CAB39L: variants seen among roughly 807,000 people sequenced by gnomAD.
CAB39L encodes the protein calcium binding protein 39 like.
In CAB39L, 23 loss-of-function variants were observed where a neutral mutation model predicts 39.1. The ratio of observed to expected loss-of-function variants is 0.59; its 90% CI spans 0.42 to 0.83. The LOEUF (loss-of-function observed/expected upper bound fraction) is 0.83. Ranked by LOEUF, CAB39L falls within the 40% of genes least tolerant of loss-of-function variation. The pLI, the probability that CAB39L is intolerant of heterozygous loss-of-function variation, is 0.00. For missense variants in CAB39L, 366 were observed against 391.9 expected (o/e 0.93, Z 0.56); for synonymous variants, 126 against 137.2 (o/e 0.92, Z 0.57).
chr13:49,419,873 T>C (rs957407884), intron 3 of CAB39L, among the ~76,000 whole-genome samples: 5 of 152,178 alleles, frequency 3.3e-5, no homozygotes, highest in Admixed American at 6.5e-5. Flanking sequence ...AATGCCACAG[T>C]TGCAAAAGAG....
chr13:49,421,322 C>T (rs1190066916), intron 3 of CAB39L, among the ~76,000 whole-genome samples: 1 of 152,116 alleles, frequency 6.6e-6, no homozygotes, highest in East Asian at 1.9e-4. Flanking sequence ...GAAACTCCAC[C>T]CGACCCCCAC....
chr13:49,366,626 T>TAAAAAAAAAAAAAAAAAAA (rs770961088), intron 5 of CAB39L, among the ~76,000 whole-genome samples: 1 of 62,314 alleles, frequency 1.6e-5, no homozygotes. Context: ...AAACTCTGTC[T>TAAAAAAAAAAAAAAAAAAA]AAAAAAAAAA....
intron 3 of CAB39L, among the ~76,000 whole-genome samples, chr13:49,410,525 G>A (rs1956970301): frequency 6.6e-6 from 1 of 152,106 alleles, no homozygotes; most frequent in Non-Finnish European, 1.5e-5. Flanking sequence ...TTGTAAGCTG[G>A]TGCTCTGAAG....
chr13:49,339,409 G>T (rs1008986374), intron 9 of CAB39L, among the ~76,000 whole-genome samples: 23 of 152,136 alleles, frequency 1.5e-4, no homozygotes, highest in African/African-American at 5.6e-4. Flanking sequence ...GGGATTACAG[G>T]CGTAAGCCAA....
At chr13:49,363,030 T>C (rs1356847184) in intron 5 of CAB39L, among the ~76,000 whole-genome samples, 1 of 152,174 alleles carries the variant, frequency 6.6e-6, no homozygotes, top group South Asian at 2.1e-4. Flanking sequence ...AATTAAAGAC[T>C]TTCCCAGACA....
At chr13:49,331,414 C>G (rs1051790682) in intron 10 of CAB39L, among the ~76,000 whole-genome samples, 3 of 151,892 alleles carry the variant, frequency 2.0e-5, no homozygotes, top group Admixed American at 1.3e-4. Flanking sequence ...TGCAGTGAGC[C>G]GAGATCGCAC....
At position 49,322,578 on chromosome 13, in the gene CAB39L, T is replaced by C. The variant is rs142884500; in HGVS notation, c.834+9369A>G. Among the ~76,000 whole-genome samples the C allele has an allele frequency of 1.9e-3, 291 of 152,358 alleles. 1 individual carries two copies. Among genetic ancestry groups the C allele is most frequent in the African/African-American group, 6.3e-3 (263 of 41,572 alleles). On this transcript the variant is annotated intron_variant, in intron 10 of 10. Transcript: ENST00000409308. ...CTCATTTTAACTATTTTGGGTAAAA[T>C]ATTTTATCTTCCATCCAAAGAATGA...
chr13:49,320,664 A>G (rs1209266004), intron 10 of CAB39L, among the ~76,000 whole-genome samples: 2 of 152,206 alleles, frequency 1.3e-5, no homozygotes, highest in Non-Finnish European at 2.9e-5. Flanking sequence ...CAAGCCTGGA[A>G]TGCTCTGTAT....
intron 10 of CAB39L, among the ~76,000 whole-genome samples, chr13:49,319,831 A>T (rs924604048): frequency 7.0e-5 from 9 of 128,090 alleles, no homozygotes; most frequent in African/African-American, 2.3e-4. Context: ...TTTCTTTCTT[A>T]AAAAAAAAAA....
intron 4 of CAB39L, among the ~76,000 whole-genome samples, chr13:49,382,209 C>A (rs546449083): frequency 6.6e-6 from 1 of 152,116 alleles, no homozygotes; most frequent in Non-Finnish European, 1.5e-5. Flanking sequence ...CAAGATTTGG[C>A]TCAATATTAC....
At chr13:49,391,947 TCACACACACACA>T (rs60571092) in intron 3 of CAB39L, among the ~76,000 whole-genome samples, 4 of 149,190 alleles carry the variant, frequency 2.7e-5, no homozygotes, top group Non-Finnish European at 4.5e-5. Context: ...CAAATTGGGT[TCACACACACACA>T]CACACACACA....
intron 8 of CAB39L, among the ~76,000 whole-genome samples, chr13:49,341,882 T>C (rs1216954677): frequency 6.6e-6 from 1 of 152,166 alleles, no homozygotes; most frequent in East Asian, 1.9e-4. Flanking sequence ...ATTTAAAAAA[T>C]CATCCTCCCC....
intron 3 of CAB39L, among the ~76,000 whole-genome samples, chr13:49,388,559 T>G (rs1956417711): frequency 6.6e-6 from 1 of 152,212 alleles, no homozygotes; most frequent in East Asian, 1.9e-4. Context: ...ATATACCATT[T>G]ATGTGTGAAC....
chr13:49,419,641 A>T (rs1957142077), intron 3 of CAB39L, among the ~76,000 whole-genome samples: 1 of 152,222 alleles, frequency 6.6e-6, no homozygotes, highest in Non-Finnish European at 1.5e-5. Context: ...TGCTTGAATC[A>T]CAGTTTTCAA....
At position 49,399,356 on chromosome 13, in the gene CAB39L, T is replaced by A. The variant is rs374751390; in HGVS notation, c.-31-16415A>T. Among the ~76,000 whole-genome samples the A allele has an allele frequency of 2.0e-5, 3 of 152,192 alleles. No homozygotes were observed. The East Asian group carries it at 5.8e-4, about 29-fold the overall frequency. On this transcript the variant is annotated intron_variant, in intron 3 of 10. Transcript: ENST00000409308. ...CTCATGAAAGCACCCAGAAAACCCA[T>A]AAGCATCCTTCCAAATACCTATCCA...
chr13:49,318,928 T>C (rs925082130), intron 10 of CAB39L, among the ~76,000 whole-genome samples: 14 of 151,988 alleles, frequency 9.2e-5, no homozygotes, highest in African/African-American at 3.4e-4. Flanking sequence ...GGTATACCCA[T>C]GCAATGGAAT....
chr13:49,321,431 G>A (rs556147567), intron 10 of CAB39L, among the ~76,000 whole-genome samples: 3 of 152,284 alleles, frequency 2.0e-5, no homozygotes, highest in South Asian at 2.1e-4. Flanking sequence ...CAGTTTATAC[G>A]AATTGTATTC....
chr13:49,434,435 A>T (rs1957376284), intron 1 of CAB39L, among the ~76,000 whole-genome samples: 2 of 152,198 alleles, frequency 1.3e-5, no homozygotes, highest in Non-Finnish European at 2.9e-5. Context: ...ACCATATAAC[A>T]CAAACTCTAT....
chr13:49,439,568 T>A (rs1355396155), intron 1 of CAB39L, among the ~76,000 whole-genome samples: 1 of 152,226 alleles, frequency 6.6e-6, no homozygotes, highest in Non-Finnish European at 1.5e-5. Context: ...AGTGCATGTA[T>A]CTTTTTGGTA....
Sources: allele counts gnomAD v4.1 joint callset (sites outside exome capture counted in the v4.1 genomes callset), GRCh38; gene constraint gnomAD v4.1.1; transcripts MANE v1.5; gene names NCBI Gene and HGNC (gene_info 2026-07-23, HGNC 2026-07-21).